The following NT5DC1 variants were observed in gnomAD, a reference collection of about 807,000 sequenced individuals.
NT5DC1 encodes the protein 5'-nucleotidase domain-containing protein 1.
A neutral mutation model predicts 59.4 loss-of-function variants in NT5DC1; 42 were observed. The ratio of observed to expected loss-of-function variants is 0.71; its 90% CI spans 0.55 to 0.92. NT5DC1 has a LOEUF of 0.92. Among genes scored for constraint, NT5DC1 ranks in the 40% least tolerant of loss-of-function variants. The pLI, the probability that NT5DC1 is intolerant of heterozygous loss-of-function variation, is 0.00. For missense variants in NT5DC1, 501 were observed against 537.1 expected (o/e 0.93, Z 0.66); for synonymous variants, 172 against 188.1 (o/e 0.91, Z 0.70).
chr6:116,183,281 A>G (rs1780926920), intron 6 of NT5DC1, among the ~76,000 whole-genome samples: 1 of 151,900 alleles, frequency 6.6e-6, no homozygotes, highest in South Asian at 2.1e-4. Context: ...TTATGGCCTT[A>G]TAGTATAGTT....
intron 5 of NT5DC1, among the ~76,000 whole-genome samples, chr6:116,117,335 G>A (rs1778985606): frequency 6.6e-6 from 1 of 152,108 alleles, no homozygotes; most frequent in African/African-American, 2.4e-5. Context: ...GATTTTCATG[G>A]AAGATTTCTT....
At chr6:116,163,075 C>T (rs537446292) in intron 6 of NT5DC1, among the ~76,000 whole-genome samples, 1 of 142,576 alleles carries the variant, frequency 7.0e-6, no homozygotes, top group East Asian at 2.0e-4. Flanking sequence ...TGCAGTGAGC[C>T]GAGATCGTGC....
intron 6 of NT5DC1, among the ~76,000 whole-genome samples, chr6:116,203,778 G>A (rs1414497199): frequency 1.3e-5 from 2 of 151,868 alleles, no homozygotes; most frequent in Non-Finnish European, 2.9e-5. Context: ...TGTGAGTTCA[G>A]TTTTAGTAGG....
intron 6 of NT5DC1, chr6:116,125,721 G>A: frequency 2.7e-6 from 1 of 376,314 alleles, no homozygotes; most frequent in South Asian, 3.3e-5. Context: ...GTAATCAAGT[G>A]AAAATAAAAT....
chr6:116,125,048 A>C (rs1422081542), intron 6 of NT5DC1, among the ~76,000 whole-genome samples: 1 of 152,208 alleles, frequency 6.6e-6, no homozygotes, highest in Non-Finnish European at 1.5e-5. Context: ...TCTGGATTAC[A>C]TGCAGTTATT....
chr6:116,130,907 T>C (rs896768479), intron 6 of NT5DC1, among the ~76,000 whole-genome samples: 5 of 152,148 alleles, frequency 3.3e-5, no homozygotes, highest in Non-Finnish European at 7.4e-5. Context: ...TTGATTATGT[T>C]TGCAATTCTT....
In NT5DC1 at chr6:116,237,210, G is replaced by A. The variant is rs1481052786; in HGVS notation, c.921+126G>A. The A allele has an allele frequency of 9.0e-6, 6 of 664,886 alleles. No individual in the cohort carries two copies. The East Asian group carries it at 1.6e-4, about 18-fold the overall frequency. The allele number at this position is 664,886 out of a possible 1,614,324, so 41.2% of individuals were successfully genotyped here. A position where few individuals can be genotyped will look rare whatever the true frequency, so the allele number is the denominator to read the frequency against. ...TTTCCTTTGTCAATGTAGACAGGCT[G>A]TCTATCTGTGATAGAGAGGAGCAAG... On this transcript the variant is annotated intron_variant, in intron 9 of 11. Coordinates refer to ENST00000319550, the MANE Select transcript of NT5DC1 (RefSeq NM_152729.3).
At chr6:116,154,029 CTTTT>C (rs34356532) in intron 6 of NT5DC1, among the ~76,000 whole-genome samples, 5 of 122,326 alleles carry the variant, frequency 4.1e-5, no homozygotes, top group Non-Finnish European at 7.0e-5. Context: ...GGGAAGATTT[CTTTT>C]TTTTTTTTTT....
intron 11 of NT5DC1, among the ~76,000 whole-genome samples, chr6:116,243,216 G>A (rs1225394124): frequency 6.6e-6 from 1 of 152,148 alleles, no homozygotes; most frequent in Non-Finnish European, 1.5e-5. Context: ...ATTATTCTTA[G>A]TAACCCTCAT....
chr6:116,132,251 A>C (rs1481450565), intron 6 of NT5DC1, among the ~76,000 whole-genome samples: 1 of 152,106 alleles, frequency 6.6e-6, no homozygotes, highest in Non-Finnish European at 1.5e-5. Flanking sequence ...ATTTTGTTGA[A>C]CTTTTTAATT....
intron 6 of NT5DC1, among the ~76,000 whole-genome samples, chr6:116,144,011 A>C (rs1779829590): frequency 6.6e-6 from 1 of 152,216 alleles, no homozygotes; most frequent in South Asian, 2.1e-4. Context: ...TAGGAGCTTT[A>C]TCATTATGAT....
intron 6 of NT5DC1, among the ~76,000 whole-genome samples, chr6:116,201,731 G>A (rs1329666891): frequency 2.0e-5 from 3 of 151,966 alleles, no homozygotes; most frequent in Non-Finnish European, 2.9e-5. Flanking sequence ...ACATGCAGCC[G>A]AAAGAAACAC....
chr6:116,167,206 A>ATTGTTTTT (rs1780488789), intron 6 of NT5DC1, among the ~76,000 whole-genome samples: 1 of 87,796 alleles, frequency 1.1e-5, no homozygotes, highest in Non-Finnish European at 2.1e-5. Flanking sequence ...CAAATAGAAG[A>ATTGTTTTT]TTTTTTTTTT....
At chr6:116,153,913 G>A (rs73772296) in intron 6 of NT5DC1, among the ~76,000 whole-genome samples, 1,581 of 152,054 alleles carry the variant, frequency 0.01, 30 homozygotes, top group African/African-American at 0.036. Context: ...ATCTTACTAC[G>A]TGCCAAAAGA....
Position 116,229,010 on chromosome 6 carries a change from G to A in NT5DC1, c.802+5879G>A, listed in dbSNP as rs372991006. 7.2e-5 allele frequency among the ~76,000 whole-genome samples: 11 copies of A among 152,188 alleles called. 1 individual carries two copies. In the East Asian group the frequency reaches 7.7e-4, roughly 11 times the overall value. On this transcript the variant is annotated intron_variant, in intron 8 of 11. Transcript: ENST00000319550. ...GACCTTCAGAAGCCCATTTCTATCT[G>A]TCTTCTAAAATCTTCACATCCCACA...
At chr6:116,152,573 G>A (rs946477606) in intron 6 of NT5DC1, among the ~76,000 whole-genome samples, 13 of 152,096 alleles carry the variant, frequency 8.5e-5, no homozygotes, top group African/African-American at 2.2e-4. Context: ...TCTCACATGG[G>A]ACTTTCATCC....
intron 6 of NT5DC1, among the ~76,000 whole-genome samples, chr6:116,150,229 G>A (rs1335305654): frequency 6.6e-6 from 1 of 152,072 alleles, no homozygotes. Context: ...GCATGCTGAG[G>A]GAGCCCATGG....
intron 6 of NT5DC1, among the ~76,000 whole-genome samples, chr6:116,168,418 T>A (rs972055379): frequency 2.0e-5 from 3 of 152,126 alleles, no homozygotes; most frequent in African/African-American, 4.8e-5. Context: ...ACTGTATTTT[T>A]CAGTTCTAGA....
In NT5DC1 at chr6:116,119,927, G is replaced by T. The variant is rs1299644343; in HGVS notation, c.529+1982G>T. 6.5e-6 allele frequency: 5 copies of T among 769,662 alleles called. No individual in the cohort carries two copies. The East Asian group carries it at 1.2e-4, about 19-fold the overall frequency. 47.7% of individuals were successfully genotyped at this position (769,662 alleles called of 1,614,324 possible). A position where few individuals can be genotyped will look rare whatever the true frequency, so the allele number is the denominator to read the frequency against. ...GTTGCTGCTCACTTTTCAGGGGGAA[G>T]GTTTGTTGGTCTGATAGCTCAAATC... is the stretch of plus-strand genomic sequence containing the variant. On this transcript the variant is annotated intron_variant, in intron 6 of 11. Coordinates refer to ENST00000319550, the MANE Select transcript of NT5DC1 (RefSeq NM_152729.3).
Sources: allele counts gnomAD v4.1 joint callset (sites outside exome capture counted in the v4.1 genomes callset), GRCh38; gene constraint gnomAD v4.1.1; transcripts MANE v1.5; gene names NCBI Gene and HGNC (gene_info 2026-07-23, HGNC 2026-07-21).